Variants in SLC28A3 observed in about 807,000 individuals in gnomAD.
SLC28A3 encodes the protein solute carrier family 28 member 3.
Under a neutral mutation model 84.2 loss-of-function variants are expected in SLC28A3, and 68 were observed. The observed-to-expected ratio is 0.81, with a 90% CI of 0.66 to 0.99. The LOEUF (loss-of-function observed/expected upper bound fraction) is 0.99. Ranked by LOEUF, SLC28A3 falls within the 50% of genes least tolerant of loss-of-function variation. The pLI is 0.00. For missense variants in SLC28A3, 712 were observed against 841.5 expected (o/e 0.85, Z 1.90); for synonymous variants, 267 against 303.6 (o/e 0.88, Z 1.25).
Position 84,285,499 on chromosome 9 carries a change from C to A in SLC28A3, c.1493G>T (p.Gly498Val). The A allele has an allele frequency of 6.2e-7, 1 of 1,614,144 alleles. No homozygotes were observed. The highest frequency in any genetic ancestry group is 8.5e-7 in the Non-Finnish European group (1 of 1,180,022). ...YIFMPFSFMM[G>V]VEWQDSFMVA... Reference sequence around the variant, plus strand: ...CATAAAGCTGTCCTGCCATTCCACTCCCATCATGAAGGAAAAGGGCATGAA... The same window carrying A: ...CATAAAGCTGTCCTGCCATTCCACTACCATCATGAAGGAAAAGGGCATGAA... The change falls in exon 14 of 18, where the codon GGA (glycine) becomes GTA (valine). Residue 498 changes from glycine (G) to valine (V), a missense_variant. By Grantham distance (109) the Gly-to-Val change is moderately radical. Coordinates refer to ENST00000376238, the MANE Select transcript of SLC28A3 (RefSeq NM_001199633.2).
chr9:84,279,958 A>C lies in SLC28A3; in HGVS notation c.1828+17T>G. 6.2e-7 allele frequency: 1 copy of C among 1,612,094 alleles called. No individual in the cohort carries two copies. The highest frequency in any genetic ancestry group is 8.5e-7 in the Non-Finnish European group (1 of 1,179,210). On this transcript the variant is annotated intron_variant, in intron 16 of 17. Coordinates refer to ENST00000376238, the MANE Select transcript of SLC28A3 (RefSeq NM_001199633.2). ...TCATCCTGTGGGCACTGGGACACAA[A>C]GGACAGGGTGCGGTACCTGCGATGC...
intron 14 of SLC28A3, among the ~76,000 whole-genome samples, chr9:84,281,953 C>T (rs965703486): frequency 6.6e-6 from 1 of 151,662 alleles, no homozygotes; most frequent in African/African-American, 2.4e-5. Flanking sequence ...TGGTGAAACA[C>T]TGCCTCTACT....
intron 1 of SLC28A3, among the ~76,000 whole-genome samples, chr9:84,318,440 G>A (rs1168656968): frequency 6.6e-6 from 1 of 152,164 alleles, no homozygotes; most frequent in Non-Finnish European, 1.5e-5. Context: ...TGAGCCAGGA[G>A]GCAGAGGAAA....
At position 84,285,229 on chromosome 9, in the gene SLC28A3, G is replaced by T. The variant is rs999254407; in HGVS notation, c.1647+116C>A. ...TGAGCAATGGATTTTAGGTTGTTTT[G>T]CTCTCTAATCTATCCCAGGTGCCTG... On this transcript the variant is annotated intron_variant, in intron 14 of 17. Coordinates refer to ENST00000376238, the MANE Select transcript of SLC28A3 (RefSeq NM_001199633.2). The T allele has an allele frequency of 4.1e-6, 4 of 981,176 alleles. No homozygotes were observed. The African/African-American group carries it at 4.9e-5, about 12-fold the overall frequency. 60.8% of individuals were successfully genotyped at this position (981,176 alleles called of 1,614,324 possible). A position where few individuals can be genotyped will look rare whatever the true frequency, so the allele number is the denominator to read the frequency against.
chr9:84,320,190 C>T (rs1399629580), intron 1 of SLC28A3, among the ~76,000 whole-genome samples: 11 of 151,302 alleles, frequency 7.3e-5, no homozygotes, highest in African/African-American at 2.7e-4. Flanking sequence ...GCTGGGACTA[C>T]AGGCACACGC....
chr9:84,313,801 TG>T (rs1442428105), intron 1 of SLC28A3, among the ~76,000 whole-genome samples: 2 of 149,914 alleles, frequency 1.3e-5, no homozygotes, highest in African/African-American at 4.9e-5. Flanking sequence ...GTAGGAGAAT[TG>T]CTTGAGCCCC....
chr9:84,343,400 C>G (rs910504470), upstream of SLC28A3, among the ~76,000 whole-genome samples: 6 of 152,256 alleles, frequency 3.9e-5, no homozygotes, highest in African/African-American at 1.4e-4. Context: ...TCTCACATAG[C>G]TCAGACTGTG....
At chr9:84,294,809 A>C (rs569731673) in intron 8 of SLC28A3, among the ~76,000 whole-genome samples, 1 of 152,178 alleles carries the variant, frequency 6.6e-6, no homozygotes, top group Non-Finnish European at 1.5e-5. Flanking sequence ...TTGGAGTTCC[A>C]AACTAAGGAA....
At position 84,285,479 on chromosome 9, in the gene SLC28A3, A is replaced by C. The variant is rs192544203; in HGVS notation, c.1513T>G (p.Phe505Val). ...FMMGVEWQDSFMVARLIGYKT... is the reference protein window; with the variant it reads ...FMMGVEWQDSVMVARLIGYKT... The stretch of plus-strand genomic sequence containing the variant: ...TAACCTATGAGTCTGGCAACCATAA[A>C]GCTGTCCTGCCATTCCACTCCCATC... The change falls in exon 14 of 18, where the codon TTT (phenylalanine) becomes GTT (valine). Residue 505 changes from phenylalanine (F) to valine (V), a missense_variant. Physicochemically the swap from Phe to Val is conservative, Grantham distance 50. Coordinates refer to ENST00000376238, the MANE Select transcript of SLC28A3 (RefSeq NM_001199633.2). The C allele has an allele frequency of 1.2e-6, 2 of 1,614,192 alleles. No homozygotes were observed. Among genetic ancestry groups the C allele is most frequent in the Non-Finnish European group, 1.7e-6 (2 of 1,180,024 alleles).
chr9:84,316,474 C>T (rs985373377), intron 1 of SLC28A3, among the ~76,000 whole-genome samples: 2 of 152,160 alleles, frequency 1.3e-5, no homozygotes, highest in Non-Finnish European at 2.9e-5. Flanking sequence ...TCTTGCTGCC[C>T]AGTGTGAGGA....
intron 3 of SLC28A3, among the ~76,000 whole-genome samples, chr9:84,309,300 A>C (rs1825900740): frequency 6.6e-6 from 1 of 152,028 alleles, no homozygotes; most frequent in African/African-American, 2.4e-5. Flanking sequence ...AGGTGGGTGG[A>C]TCATTTGAGG....
Position 84,323,063 on chromosome 9 carries a change from C to A in SLC28A3, c.61-9609G>T, listed in dbSNP as rs185890233. Among the ~76,000 whole-genome samples the A allele has an allele frequency of 2.4e-3, 359 of 152,254 alleles. 2 individuals are homozygous for A. Among genetic ancestry groups the A allele is most frequent in the African/African-American group, 8.3e-3 (346 of 41,542 alleles). On this transcript the variant is annotated intron_variant, in intron 1 of 17. Transcript: ENST00000376238. ...ATATTTTGCTGACATGATGACTACTCAGAGTGGCATGCTGGCAACTTCCAT... is the reference window on the plus strand; with the variant it reads ...ATATTTTGCTGACATGATGACTACTAAGAGTGGCATGCTGGCAACTTCCAT...
In SLC28A3 at chr9:84,280,061, G is replaced by A. The variant is rs761056097; in HGVS notation, c.1742C>T (p.Pro581Leu). Residue 581 changes from proline (P) to leucine (L), a missense_variant, in exon 16 of 18, where the codon CCT (proline) becomes CTT (leucine). Pro to Leu is a moderately conservative substitution (Grantham distance 98). Transcript: ENST00000376238. The stretch of plus-strand genomic sequence containing the variant: ...CGAGGCGATATCACGCTTTCTGGAA[G>A]GAGCCATGGATGCTGGGAAACATGG... ...IVIGGLTSMA[P>L]SRKRDIASGA... 14 of 1,613,772 alleles carry A rather than the reference G, an allele frequency of 8.7e-6. No individual in the cohort carries two copies. The East Asian group carries it at 3.1e-4, about 36-fold the overall frequency.
rs747109045 is a variant in SLC28A3, at chr9:84,327,014, CAAAAA to C, written c.60+13555_60+13559del. 3.3e-3 allele frequency among the ~76,000 whole-genome samples: 505 copies of C among 151,764 alleles called. 3 individuals are homozygous for C. The highest frequency in any genetic ancestry group is 4.7e-3 in the Non-Finnish European group (317 of 67,926). The stretch of plus-strand genomic sequence containing the variant: ...CAGAGCAAGATTCTGTCTCAAAAAA[CAAAAA>C]CAAAAACACCCAAAAAACATAGCAC... On this transcript the variant is annotated intron_variant, in intron 1 of 17. Coordinates refer to ENST00000376238, the MANE Select transcript of SLC28A3 (RefSeq NM_001199633.2).
rs1489869322 is a variant in SLC28A3 at position 84,280,047 on chromosome 9, C to G, written c.1756G>C (p.Asp586His). ...LTSMAPSRKRDIASGAVRALI... is the reference protein window; with the variant it reads ...LTSMAPSRKRHIASGAVRALI... Reference sequence around the variant, plus strand: ...GCTCTCACTGCCCCCGAGGCGATATCACGCTTTCTGGAAGGAGCCATGGAT... The same window carrying G: ...GCTCTCACTGCCCCCGAGGCGATATGACGCTTTCTGGAAGGAGCCATGGAT... Residue 586 changes from aspartate to histidine, a missense_variant, in exon 16 of 18, where the codon GAT (aspartate) becomes CAT (histidine). Asp to His is a moderately conservative substitution (Grantham distance 81). Coordinates refer to ENST00000376238, the MANE Select transcript of SLC28A3 (RefSeq NM_001199633.2). The G allele has an allele frequency of 6.2e-7, 1 of 1,613,818 alleles. No homozygotes were observed. The highest frequency in any genetic ancestry group is 8.5e-7 in the Non-Finnish European group (1 of 1,180,002).
chr9:84,365,642 C>T, the SLC28A3 span, among the ~76,000 whole-genome samples: 1 of 152,270 alleles, frequency 6.6e-6, no homozygotes, highest in East Asian at 1.9e-4. Flanking sequence ...AAGTCTAATC[C>T]ATTTTGATTT....
At chr9:84,302,476 G>T in intron 4 of SLC28A3, 87 bp from the exon 5 acceptor site, 2 of 1,351,484 alleles carry the variant, frequency 1.5e-6, no homozygotes, top group Non-Finnish European at 2.0e-6. Flanking sequence ...CGCAGGTGAG[G>T]GGAGGTTTAA....
chr9:84,339,818 C>T (rs1389116835), intron 1 of SLC28A3, among the ~76,000 whole-genome samples: 1 of 152,142 alleles, frequency 6.6e-6, no homozygotes, highest in African/African-American at 2.4e-5. Context: ...TGTCAAAGCC[C>T]TTTTACCTCC....
At chr9:84,346,264 AAACAC>A in the SLC28A3 span, among the ~76,000 whole-genome samples, 1 of 152,206 alleles carries the variant, frequency 6.6e-6, no homozygotes, top group African/African-American at 2.4e-5. Context: ...AAGAAAACCA[AAACAC>A]AAAAGTCCTC....
Sources: allele counts gnomAD v4.1 joint callset (sites outside exome capture counted in the v4.1 genomes callset), GRCh38; gene constraint gnomAD v4.1.1; transcripts MANE v1.5; gene names NCBI Gene and HGNC (gene_info 2026-07-23, HGNC 2026-07-21).